The following VWA8 variants were observed in gnomAD, a reference collection of about 807,000 sequenced individuals.
The protein encoded by VWA8 is von Willebrand factor A domain-containing protein 8.
In VWA8, 221 loss-of-function variants were observed where a neutral mutation model predicts 241.5. That is an observed-to-expected ratio of 0.91 (90% CI 0.82 to 1.02). The LOEUF is 1.02. Among genes scored for constraint, VWA8 ranks in the 50% least tolerant of loss-of-function variants. VWA8 has a pLI of 0.00. For missense variants in VWA8, 2,322 were observed against 2,328.7 expected, an observed-to-expected ratio of 1.00 and a Z score of 0.06; for synonymous variants, 852 against 827.1, an observed-to-expected ratio of 1.03 and a Z score of -0.52.
chr13:41,634,265 G>T (rs1250756915), intron 37 of VWA8, among the ~76,000 whole-genome samples: 7 of 152,022 alleles, frequency 4.6e-5, no homozygotes, highest in Non-Finnish European at 7.4e-5. Context: ...ATCCTCTATT[G>T]CATTATTATA....
At position 41,950,572 on chromosome 13, in the gene VWA8, G is replaced by A. The variant is rs185419095; in HGVS notation, c.164-559C>T. On this transcript the variant is annotated intron_variant, in intron 1 of 44. Transcript: ENST00000379310. ...TTTAGTAGAGACGGGGTTTCACCATGTTAGCCAGGATGATCTCGATCTCCT... is the reference window on the plus strand; with the variant it reads ...TTTAGTAGAGACGGGGTTTCACCATATTAGCCAGGATGATCTCGATCTCCT... Among the ~76,000 whole-genome samples the A allele has an allele frequency of 1.1e-4, 17 of 150,828 alleles. No individual in the cohort carries two copies. The East Asian group carries it at 2.4e-3, about 21-fold the overall frequency.
At chr13:41,721,616 C>A in intron 24 of VWA8, 41 bp from the exon 25 acceptor site, 1 of 1,567,580 alleles carries the variant, frequency 6.4e-7, no homozygotes, top group Non-Finnish European at 8.6e-7. Context: ...TGCAACAAAT[C>A]CATTACGATG....
chr13:41,680,950 G>A (rs1593693512), intron 35 of VWA8, among the ~76,000 whole-genome samples: 1 of 152,264 alleles, frequency 6.6e-6, no homozygotes, highest in African/African-American at 2.4e-5. Context: ...TGACTGAACT[G>A]TAGTCAGGCT....
At chr13:41,691,078 T>A (rs192623425) in intron 32 of VWA8, among the ~76,000 whole-genome samples, 1 of 152,176 alleles carries the variant, frequency 6.6e-6, no homozygotes, top group African/African-American at 2.4e-5. Flanking sequence ...CCCAAATAAA[T>A]ATGGATCATA....
At chr13:41,664,028 G>A (rs900570058) in intron 37 of VWA8, among the ~76,000 whole-genome samples, 8 of 151,418 alleles carry the variant, frequency 5.3e-5, no homozygotes, top group Non-Finnish European at 1.2e-4. Context: ...GCCCAACTGG[G>A]AATTACCTTT....
intron 37 of VWA8, 118 bp downstream of exon 37, chr13:41,670,828 G>T (rs2045017178): frequency 1.8e-6 from 2 of 1,129,836 alleles, no homozygotes; most frequent in Non-Finnish European, 2.5e-6. Flanking sequence ...AATTCTTTTA[G>T]TTCTTTAAGC....
At chr13:41,580,142 A>C (rs2044373516) in intron 42 of VWA8, among the ~76,000 whole-genome samples, 1 of 151,960 alleles carries the variant, frequency 6.6e-6, no homozygotes, top group Non-Finnish European at 1.5e-5. Flanking sequence ...GGCATGAACC[A>C]CTGTGCCCGG....
At position 41,865,972 on chromosome 13, in the gene VWA8, C is replaced by T. The variant is rs1316392756; in HGVS notation, c.1277G>A (p.Ser426Asn). Residue 426 changes from serine to asparagine, a missense_variant, in exon 11 of 45, where the codon AGC (serine) becomes AAC (asparagine). Transcript: ENST00000379310. ...CATTTCAGCCTGTAGCTGCTTATGG[C>T]TCAAAGTCTGTATGAAACGGTCTGA... ...CASDRFIQTLSHKQLQAEMMQ... is the reference protein window; with the variant it reads ...CASDRFIQTLNHKQLQAEMMQ... 1 of 1,614,194 alleles carries T rather than the reference C, an allele frequency of 6.2e-7. No individual in the cohort carries two copies. The highest frequency in any genetic ancestry group is 8.5e-7 in the Non-Finnish European group (1 of 1,180,030).
chr13:41,926,654 T>C, intron 2 of VWA8: 1 of 543,026 alleles, frequency 1.8e-6, no homozygotes, highest in Non-Finnish European at 3.8e-6. Context: ...GAAGATGGTT[T>C]CAGGGATGGT....
At chr13:41,907,353 T>C (rs1285678526) in intron 4 of VWA8, among the ~76,000 whole-genome samples, 2 of 152,248 alleles carry the variant, frequency 1.3e-5, no homozygotes, top group African/African-American at 2.4e-5. Context: ...AATCAGCACA[T>C]TGATCTTTAA....
At position 41,691,378 on chromosome 13, in the gene VWA8, T is replaced by C. The variant is rs2045176263; in HGVS notation, c.3808A>G (p.Lys1270Glu). The stretch of plus-strand genomic sequence containing the variant: ...TCCTCTGCTACAAGGAAAACTGTCT[T>C]GAGGTTGATGGGAAGTGAGATGGTG... ...THTISLPINL[K>E]TVFLVAEDKW... is the part of the protein sequence containing the mutation. Residue 1270 changes from lysine (K) to glutamate (E), a missense_variant, in exon 32 of 45, where the codon AAG becomes GAG. By Grantham distance (56) the Lys-to-Glu change is moderately conservative. Transcript: ENST00000379310. 5.0e-6 allele frequency: 8 copies of C among 1,612,296 alleles called. No individual in the cohort carries two copies. The highest frequency in any genetic ancestry group is 6.8e-6 in the Non-Finnish European group (8 of 1,178,724).
chr13:41,707,353 T>G (rs1231521457), intron 26 of VWA8, among the ~76,000 whole-genome samples: 1 of 152,172 alleles, frequency 6.6e-6, no homozygotes, highest in Non-Finnish European at 1.5e-5. Context: ...AGAAAACACA[T>G]GCAAAAGATT....
intron 17 of VWA8, among the ~76,000 whole-genome samples, chr13:41,793,693 G>A (rs1869557068): frequency 6.6e-6 from 1 of 152,174 alleles, no homozygotes; most frequent in Admixed American, 6.5e-5. Context: ...GTGCACGCCT[G>A]TAGCTCCAGC....
At chr13:41,859,259 A>C (rs1188818996) in intron 12 of VWA8, among the ~76,000 whole-genome samples, 1 of 152,174 alleles carries the variant, frequency 6.6e-6, no homozygotes, top group Non-Finnish European at 1.5e-5. Flanking sequence ...ATAAAAACAA[A>C]GGAGAGAGAA....
chr13:41,614,059 T>C (rs1445638667), intron 38 of VWA8, among the ~76,000 whole-genome samples: 2 of 152,242 alleles, frequency 1.3e-5, no homozygotes, highest in African/African-American at 4.8e-5. Context: ...GCATTCCATA[T>C]GGATTAAATC....
At chr13:41,957,870 G>C (rs1878419285) in intron 1 of VWA8, among the ~76,000 whole-genome samples, 1 of 152,074 alleles carries the variant, frequency 6.6e-6, no homozygotes, top group Non-Finnish European at 1.5e-5. Flanking sequence ...AAAATGTCAT[G>C]ATATATTTAT....
At chr13:41,957,951 G>A (rs1309401713) in intron 1 of VWA8, among the ~76,000 whole-genome samples, 1 of 152,124 alleles carries the variant, frequency 6.6e-6, no homozygotes, top group Non-Finnish European at 1.5e-5. Flanking sequence ...GAGTCCCACT[G>A]AAACAACTTG....
At position 41,778,163 on chromosome 13, in the gene VWA8, C is replaced by T. The variant is rs58673390; in HGVS notation, c.2278-107G>A. On this transcript the variant is annotated intron_variant, in intron 19 of 44. Transcript: ENST00000379310. ...GAATATAAATATCTATTATAATAAA[C>T]AATTATCAATCGATTTGATATAACC... 378 of 639,764 alleles carry T rather than the reference C, an allele frequency of 5.9e-4. 4 individuals carry two copies. In the East Asian group the frequency reaches 0.013, roughly 22 times the overall value. The allele number at this position is 639,764 out of a possible 1,614,324, so 39.6% of individuals were successfully genotyped here.
At chr13:41,919,919 G>C (rs1323162175) in intron 2 of VWA8, among the ~76,000 whole-genome samples, 1 of 152,116 alleles carries the variant, frequency 6.6e-6, no homozygotes, top group Non-Finnish European at 1.5e-5. Context: ...CACAGCCTTG[G>C]ATGAGCTGTG....
Sources: gnomAD v4.1 joint callset for allele counts (sites outside exome capture counted in the v4.1 genomes callset) on GRCh38, gnomAD v4.1.1 for gene constraint, MANE v1.5 for transcripts, NCBI Gene and HGNC (gene_info 2026-07-23, HGNC 2026-07-21) for gene names.